Variants in FNDC3B observed in about 807,000 individuals in gnomAD.
The protein encoded by FNDC3B is fibronectin type III domain-containing protein 3B.
In FNDC3B, 12 loss-of-function variants were observed where a neutral mutation model predicts 151.5. That is an observed-to-expected ratio of 0.08 (90% confidence interval 0.05 to 0.13). The LOEUF (loss-of-function observed/expected upper bound fraction) is 0.13, where lower values mean the gene tolerates loss of function less well. Among genes scored for constraint, FNDC3B ranks in the 10% least tolerant of loss-of-function variants. The pLI, the probability that FNDC3B is intolerant of heterozygous loss-of-function variation, is 1.00. For missense variants in FNDC3B, 1,214 were observed against 1,505.3 expected, an observed-to-expected ratio of 0.81 and a Z score of 3.20; for synonymous variants, 528 against 549.0, an observed-to-expected ratio of 0.96 and a Z score of 0.54.
intron 7 of FNDC3B, among the ~76,000 whole-genome samples, chr3:172,290,986 G>C (rs1730295744): frequency 6.6e-6 from 1 of 152,016 alleles, no homozygotes; most frequent in South Asian, 2.1e-4. Context: ...CAATGTACAA[G>C]GAAATATTTT....
chr3:172,247,970 C>G (rs149695469), intron 5 of FNDC3B, among the ~76,000 whole-genome samples, 194 bp downstream of exon 5: 1 of 152,090 alleles, frequency 6.6e-6, no homozygotes, highest in Admixed American at 6.5e-5. Flanking sequence ...GGGTTTAGTT[C>G]TTTTTCTTTC....
At chr3:172,196,822 T>C (rs977502695) in intron 3 of FNDC3B, among the ~76,000 whole-genome samples, 3 of 152,118 alleles carry the variant, frequency 2.0e-5, no homozygotes, top group Non-Finnish European at 4.4e-5. Flanking sequence ...AGTAAGTGAG[T>C]TAATTAATGG....
At chr3:172,237,950 A>G (rs867862812) in intron 4 of FNDC3B, among the ~76,000 whole-genome samples, 8 of 152,364 alleles carry the variant, frequency 5.3e-5, no homozygotes, top group South Asian at 4.1e-4. Context: ...GAAGACAACA[A>G]TAATCATGTT....
intron 3 of FNDC3B, among the ~76,000 whole-genome samples, chr3:172,147,102 T>C (rs1418757700): frequency 6.6e-6 from 1 of 152,010 alleles, no homozygotes; most frequent in African/African-American, 2.4e-5. Context: ...GGTCAGGAGT[T>C]TGAGACCAGC....
rs10989 is a variant in FNDC3B, at chr3:172,399,983, A to G, written c.*2508A>G. Reference sequence around the variant, plus strand: ...GCACTTTATTTTATTGCTCTCCATTATTTGGTATTCATTATATTCCTTCAG... The same window carrying G: ...GCACTTTATTTTATTGCTCTCCATTGTTTGGTATTCATTATATTCCTTCAG... On this transcript the variant is annotated 3_prime_UTR_variant, in exon 26 of 26. Coordinates refer to ENST00000415807, the MANE Select transcript of FNDC3B (RefSeq NM_022763.4). 6.6e-6 allele frequency: 1 copy of G among 152,578 alleles called. No homozygotes were observed. Among genetic ancestry groups the G allele is most frequent in the African/African-American group, 2.4e-5 (1 of 41,424 alleles). 9.5% of individuals were successfully genotyped at this position (152,578 alleles called of 1,614,324 possible). A position where few individuals can be genotyped will look rare whatever the true frequency, so the allele number is the denominator to read the frequency against.
intron 3 of FNDC3B, among the ~76,000 whole-genome samples, chr3:172,218,049 C>G (rs1004892477): frequency 2.7e-5 from 4 of 147,660 alleles, no homozygotes; most frequent in African/African-American, 1.0e-4. Context: ...TGGTCACTTG[C>G]TCCTTTTAAA....
intron 3 of FNDC3B, among the ~76,000 whole-genome samples, chr3:172,222,114 A>G (rs1726304926): frequency 6.6e-6 from 1 of 152,182 alleles, no homozygotes; most frequent in Non-Finnish European, 1.5e-5. Context: ...TGATATTTAA[A>G]TCAATTAGGA....
At chr3:172,329,127 G>T in intron 12 of FNDC3B, 51 bp downstream of exon 12, 1 of 1,563,778 alleles carries the variant, frequency 6.4e-7, no homozygotes, top group South Asian at 1.2e-5. Flanking sequence ...TGGTGATCCT[G>T]AGCCTTCTTT....
intron 1 of FNDC3B, among the ~76,000 whole-genome samples, chr3:172,103,097 T>A (rs1719451059): frequency 6.6e-6 from 1 of 152,130 alleles, no homozygotes; most frequent in Non-Finnish European, 1.5e-5. Context: ...AAATGGTTAA[T>A]TACGTCTGCA....
At chr3:172,272,581 G>C (rs953153887) in intron 6 of FNDC3B, among the ~76,000 whole-genome samples, 1 of 152,084 alleles carries the variant, frequency 6.6e-6, no homozygotes, top group Non-Finnish European at 1.5e-5. Context: ...ACATGTTTTA[G>C]GGAATTTTTA....
chr3:172,225,580 C>A, intron 3 of FNDC3B: 1 of 158,090 alleles, frequency 6.3e-6, no homozygotes, highest in Non-Finnish European at 1.4e-5. Context: ...TGTCATCCAC[C>A]TTATTGTATC....
At chr3:172,166,134 G>A (rs1722990231) in intron 3 of FNDC3B, among the ~76,000 whole-genome samples, 1 of 152,078 alleles carries the variant, frequency 6.6e-6, no homozygotes, top group Non-Finnish European at 1.5e-5. Flanking sequence ...TTGCAAATTT[G>A]CTTTACATTG....
chr3:172,095,186 G>C (rs1443868570), intron 1 of FNDC3B, among the ~76,000 whole-genome samples: 1 of 152,066 alleles, frequency 6.6e-6, no homozygotes, highest in Non-Finnish European at 1.5e-5. Context: ...GTTTGAGAGA[G>C]GAAATCCTGG....
At chr3:172,130,950 T>G (rs987143486) in intron 2 of FNDC3B, among the ~76,000 whole-genome samples, 7 of 152,234 alleles carry the variant, frequency 4.6e-5, no homozygotes, top group African/African-American at 1.7e-4. Flanking sequence ...ATTACAGTGA[T>G]GCTAGAATTG....
intron 2 of FNDC3B, among the ~76,000 whole-genome samples, chr3:172,128,504 G>T (rs1720912509): frequency 6.6e-6 from 1 of 151,918 alleles, no homozygotes; most frequent in Non-Finnish European, 1.5e-5. Flanking sequence ...GGTGTGTGTG[G>T]ATGAACAGTT....
chr3:172,300,013 A>G (rs1341364733), intron 9 of FNDC3B, among the ~76,000 whole-genome samples: 1 of 152,268 alleles, frequency 6.6e-6, no homozygotes, highest in African/African-American at 2.4e-5. Flanking sequence ...TAAGGCATAA[A>G]GTGCACATCT....
intron 1 of FNDC3B, among the ~76,000 whole-genome samples, chr3:172,067,523 A>G (rs1035596167): frequency 6.6e-6 from 1 of 152,226 alleles, no homozygotes; most frequent in African/African-American, 2.4e-5. Context: ...GAAGATCATA[A>G]AATAAAAGTA....
At chr3:172,281,565 T>C (rs186217859) in intron 6 of FNDC3B, among the ~76,000 whole-genome samples, 13 of 152,354 alleles carry the variant, frequency 8.5e-5, no homozygotes, top group African/African-American at 2.6e-4. Flanking sequence ...ATAGGAAATA[T>C]AGGGTTTGCT....
intron 3 of FNDC3B, among the ~76,000 whole-genome samples, chr3:172,171,411 A>G (rs894056540): frequency 3.5e-4 from 53 of 152,160 alleles, no homozygotes; most frequent in Non-Finnish European, 1.6e-4. Context: ...ACATATTACT[A>G]CTGGAAACTT....
Sources: gnomAD v4.1 joint callset for allele counts (sites outside exome capture counted in the v4.1 genomes callset) on GRCh38, gnomAD v4.1.1 for gene constraint, MANE v1.5 for transcripts, NCBI Gene and HGNC (gene_info 2026-07-23, HGNC 2026-07-21) for gene names.